PAPPA2: variants seen among roughly 807,000 people sequenced by gnomAD.
PAPPA2 encodes the protein pappalysin-2.
PAPPA2 carries 86 observed loss-of-function variants against 176.4 expected under a neutral mutation model. The ratio of observed to expected loss-of-function variants is 0.49; its 90% CI spans 0.41 to 0.58. The LOEUF is 0.58. PAPPA2 is among the 20% of genes least tolerant of loss of function. PAPPA2 has a pLI of 0.00. For missense variants in PAPPA2, 2,073 were observed against 2,256.9 expected (o/e 0.92, Z 1.65); for synonymous variants, 809 against 852.2 (o/e 0.95, Z 0.88).
At position 176,706,446 on chromosome 1, in the gene PAPPA2, T is replaced by C; in HGVS notation, c.3453T>C (p.Cys1151=). 1 of 1,613,166 alleles carries C rather than the reference T, an allele frequency of 6.2e-7. No homozygotes were observed. Among genetic ancestry groups the C allele is most frequent in the Non-Finnish European group, 8.5e-7 (1 of 1,179,334 alleles). ...KVCELEEGFN[C]VGEPSLCYMY... ...GTGAGCTGGAGGAAGGTTTCAACTG[T>C]GTAGGTAAGTTCAAGAGTTTCAGTC... The change falls in exon 10 of 23, where the codon TGT becomes TGC. Residue 1151 remains cysteine (C), a synonymous_variant. Transcript: ENST00000367662.
At chr1:176,591,394 G>A (rs890682225) in intron 2 of PAPPA2, among the ~76,000 whole-genome samples, 2 of 152,144 alleles carry the variant, frequency 1.3e-5, no homozygotes, top group Admixed American at 1.3e-4. Flanking sequence ...TCAGTGTTGG[G>A]AAGTTGACAT....
intron 1 of PAPPA2, among the ~76,000 whole-genome samples, chr1:176,466,622 G>C (rs1156726241): frequency 6.6e-6 from 1 of 152,154 alleles, no homozygotes; most frequent in Non-Finnish European, 1.5e-5. Flanking sequence ...CTCATGGAGA[G>C]AGTGAGCCTT....
chr1:176,658,702 A>G (rs573619164), intron 3 of PAPPA2, among the ~76,000 whole-genome samples: 40 of 152,138 alleles, frequency 2.6e-4, no homozygotes, highest in Middle Eastern at 3.4e-3. Context: ...ACTTGGTGTT[A>G]ATGAGTAAAT....
At chr1:176,604,499 C>A (rs555305415) in intron 3 of PAPPA2, among the ~76,000 whole-genome samples, 1 of 152,278 alleles carries the variant, frequency 6.6e-6, no homozygotes, top group Non-Finnish European at 1.5e-5. Flanking sequence ...TGGTCTATCA[C>A]GTGTTTTTGT....
At chr1:176,475,433 T>A (rs994362137) in intron 1 of PAPPA2, among the ~76,000 whole-genome samples, 4 of 152,094 alleles carry the variant, frequency 2.6e-5, no homozygotes, top group African/African-American at 9.7e-5. Context: ...CTGGCCTCAG[T>A]GCATCCTTAC....
At chr1:176,608,500 C>T (rs1654738190) in intron 3 of PAPPA2, among the ~76,000 whole-genome samples, 1 of 152,136 alleles carries the variant, frequency 6.6e-6, no homozygotes, top group Admixed American at 6.5e-5. Flanking sequence ...CTGGTAGTTA[C>T]AATTCTCAGG....
chr1:176,772,297 T>C (rs1247603598), intron 17 of PAPPA2, among the ~76,000 whole-genome samples: 1 of 152,200 alleles, frequency 6.6e-6, no homozygotes, highest in Non-Finnish European at 1.5e-5. Context: ...AGCACTTAGT[T>C]GAAAGCCTGT....
At chr1:176,780,445 G>C (rs998849272) in intron 17 of PAPPA2, among the ~76,000 whole-genome samples, 2 of 152,168 alleles carry the variant, frequency 1.3e-5, no homozygotes, top group Non-Finnish European at 2.9e-5. Context: ...GTAGAAAAGA[G>C]AGGGAGGGAA....
At chr1:176,552,371 C>G (rs775924233) in intron 1 of PAPPA2, among the ~76,000 whole-genome samples, 1 of 150,172 alleles carries the variant, frequency 6.7e-6, no homozygotes, top group Non-Finnish European at 1.5e-5. Context: ...CCTCTTTCCC[C>G]ACGCCTCCTT....
chr1:176,769,025 G>A (rs1664101386), intron 15 of PAPPA2, among the ~76,000 whole-genome samples: 1 of 152,204 alleles, frequency 6.6e-6, no homozygotes, highest in South Asian at 2.1e-4. Context: ...AGGCGATGGT[G>A]CAGTATCCCA....
chr1:176,511,348 A>G (rs1648588238), intron 1 of PAPPA2, among the ~76,000 whole-genome samples: 1 of 152,234 alleles, frequency 6.6e-6, no homozygotes, highest in Non-Finnish European at 1.5e-5. Flanking sequence ...TCAACAAATT[A>G]GGAATACAAG....
At chr1:176,496,896 A>G (rs1472223758) in intron 1 of PAPPA2, among the ~76,000 whole-genome samples, 2 of 152,242 alleles carry the variant, frequency 1.3e-5, no homozygotes, top group Non-Finnish European at 2.9e-5. Flanking sequence ...ATGAGTGAGG[A>G]CATGAATCCA....
chr1:176,699,752 C>T (rs376916449), intron 8 of PAPPA2, among the ~76,000 whole-genome samples, 163 bp downstream of exon 8: 5 of 152,268 alleles, frequency 3.3e-5, no homozygotes, highest in African/African-American at 4.8e-5. Flanking sequence ...TAAAGAAAAG[C>T]ACTTCCCAGA....
chr1:176,773,731 T>C (rs991490576), intron 17 of PAPPA2, among the ~76,000 whole-genome samples: 1 of 152,220 alleles, frequency 6.6e-6, no homozygotes, highest in African/African-American at 2.4e-5. Context: ...GTATTTTCAA[T>C]ACATATGCTA....
intron 20 of PAPPA2, among the ~76,000 whole-genome samples, chr1:176,799,371 G>C (rs1253046585): frequency 6.6e-6 from 1 of 152,158 alleles, no homozygotes; most frequent in Non-Finnish European, 1.5e-5. Context: ...TCAGGAAAGA[G>C]GCAGTCAACA....
At position 176,781,681 on chromosome 1, in the gene PAPPA2, A is replaced by G. The variant is rs565981569; in HGVS notation, c.4716-8128A>G. On this transcript the variant is annotated intron_variant, in intron 17 of 22. Transcript: ENST00000367662. ...GGCTAAGTAGAGAACCGTGTCTTTT[A>G]AAATGGTCTAGATCACTGTTTCTCA... 1.1e-4 allele frequency among the ~76,000 whole-genome samples: 17 copies of G among 152,186 alleles called. 1 individual carries two copies. The South Asian group carries it at 3.5e-3, about 32-fold the overall frequency.
At chr1:176,660,531 G>C (rs1368910231) in intron 3 of PAPPA2, among the ~76,000 whole-genome samples, 1 of 152,064 alleles carries the variant, frequency 6.6e-6, no homozygotes, top group Non-Finnish European at 1.5e-5. Flanking sequence ...TGAAATAGGG[G>C]CAAATACAGA....
chr1:176,702,658 A>G lies in PAPPA2; in HGVS notation c.3288A>G (p.Gly1096=). Residue 1096 remains glycine, a synonymous_variant, in exon 9 of 23, where the codon GGA becomes GGG. Transcript: ENST00000367662. ...MYQYQVLAEA[G]GELGEASPPL... ...AGTACCAAGTTCTAGCTGAAGCTGG[A>G]GGAGAACTGGGAGAAGCTTCGCCTC... The G allele has an allele frequency of 1.2e-6, 2 of 1,613,850 alleles. No homozygotes were observed. The highest frequency in any genetic ancestry group is 1.7e-6 in the Non-Finnish European group (2 of 1,179,928).
chr1:176,767,381 C>T (rs370148936), intron 15 of PAPPA2, among the ~76,000 whole-genome samples: 1 of 152,144 alleles, frequency 6.6e-6, no homozygotes, highest in Non-Finnish European at 1.5e-5. Flanking sequence ...GCTCTGTCGC[C>T]CAGGCTGGAG....
Sources: allele counts gnomAD v4.1 joint callset (sites outside exome capture counted in the v4.1 genomes callset), GRCh38; gene constraint gnomAD v4.1.1; transcripts MANE v1.5; gene names NCBI Gene and HGNC (gene_info 2026-07-23, HGNC 2026-07-21).